The following POLR3C variants were observed in gnomAD, a reference collection of about 807,000 sequenced individuals.
POLR3C encodes DNA-directed RNA polymerase III subunit RPC3.
In POLR3C, 44 loss-of-function variants were observed where a neutral mutation model predicts 65.9. The observed-to-expected ratio is 0.67, with a 90% confidence interval of 0.52 to 0.86. The LOEUF (loss-of-function observed/expected upper bound fraction) is 0.86, where lower values mean the gene tolerates loss of function less well. POLR3C is among the 40% of genes least tolerant of loss of function. The probability of loss-of-function intolerance (pLI) is 0.00; values close to 1 mark genes in which losing one functional copy is unlikely to be tolerated. For synonymous variants in POLR3C, 263 were observed against 231.6 expected, an observed-to-expected ratio of 1.14 and a Z score of -1.23; for missense variants, 576 against 653.2, an observed-to-expected ratio of 0.88 and a Z score of 1.29.
intron 7 of POLR3C, among the ~76,000 whole-genome samples, chr1:145,834,483 A>G (rs1358764022): frequency 5.3e-5 from 8 of 151,494 alleles, no homozygotes; most frequent in Non-Finnish European, 1.2e-4. Context: ...CCTGGGCAAC[A>G]TGGTGAAACC....
chr1:145,825,032 C>CT lies in POLR3C; in HGVS notation c.-21+672dup, dbSNP rs202019471. Among the ~76,000 whole-genome samples the CT allele has an allele frequency of 5.7e-3, 868 of 150,966 alleles. 5 individuals are homozygous for CT. Among genetic ancestry groups the CT allele is most frequent in the Non-Finnish European group, 7.5e-3 (508 of 67,616 alleles). ...GTCTTTTCCTATGCATACATTTTTC[C>CT]TTTTTTTTTACAATAATTGAATTTT... On this transcript the variant is annotated intron_variant, in intron 1 of 14. Transcript: ENST00000334163.
rs949670898 is a variant in POLR3C, at chr1:145,842,588, T to C, written c.*168T>C. 1 of 645,570 alleles carries C rather than the reference T, an allele frequency of 1.5e-6. No homozygotes were observed. The highest frequency in any genetic ancestry group is 2.8e-6 in the Non-Finnish European group (1 of 358,930). The allele number at this position is 645,570 out of a possible 1,614,324, so 40.0% of individuals were successfully genotyped here. A position where few individuals can be genotyped will look rare whatever the true frequency, so the allele number is the denominator to read the frequency against. ...CCTGAAAGAATTTGGCATATTTAGA[T>C]CCATTGCTGTAGTCTCCCCTCATCA... On this transcript the variant is annotated 3_prime_UTR_variant, in exon 15 of 15. Transcript: ENST00000334163.
rs113264305 is a variant in POLR3C at position 145,840,860 on chromosome 1, A to G, written c.1374-62A>G. 2.2e-4 allele frequency: 294 copies of G among 1,318,250 alleles called. 4 individuals carry two copies. In the African/African-American group the frequency reaches 3.3e-3, roughly 15 times the overall value. 81.7% of individuals were successfully genotyped at this position (1,318,250 alleles called of 1,614,324 possible). ...AAGGGTGGTGGGTAGTGCCTCAGAC[A>G]CACGTGGTAAGAGAATCTCCCAGGT... On this transcript the variant is annotated intron_variant, in intron 13 of 14. Coordinates refer to ENST00000334163, the MANE Select transcript of POLR3C (RefSeq NM_006468.8).
At chr1:145,839,252 C>A (rs1214468137) in intron 11 of POLR3C, among the ~76,000 whole-genome samples, 1 of 152,158 alleles carries the variant, frequency 6.6e-6, no homozygotes, top group Non-Finnish European at 1.5e-5. Flanking sequence ...GCCTGGGCAA[C>A]AGAGCAAGAC....
At chr1:145,839,661 G>A in intron 11 of POLR3C, 1 of 430,196 alleles carries the variant, frequency 2.3e-6, no homozygotes, top group Non-Finnish European at 4.1e-6. Context: ...TGAGCCGGAG[G>A]TGGAAGTTGC....
chr1:145,827,083 A>T, intron 4 of POLR3C, 78 bp downstream of exon 4: 1 of 1,140,606 alleles, frequency 8.8e-7, no homozygotes, highest in Non-Finnish European at 1.3e-6. Flanking sequence ...ATGAAATGTG[A>T]TTGTATTTAC....
chr1:145,830,628 G>A (rs925319737), intron 5 of POLR3C, among the ~76,000 whole-genome samples: 8 of 151,500 alleles, frequency 5.3e-5, no homozygotes, highest in African/African-American at 1.9e-4. Context: ...GTGAAACCCC[G>A]TCTCTACTAA....
intron 4 of POLR3C, among the ~76,000 whole-genome samples, chr1:145,827,927 C>CG (rs1559142613): frequency 6.7e-6 from 1 of 148,760 alleles, no homozygotes; most frequent in Non-Finnish European, 1.5e-5. Flanking sequence ...GACTCTGTCT[C>CG]GGGAAAAAAA....
chr1:145,839,251 A>G (rs138496415), intron 11 of POLR3C, among the ~76,000 whole-genome samples: 130 of 152,314 alleles, frequency 8.5e-4, no homozygotes, highest in African/African-American at 2.9e-3. Context: ...AGCCTGGGCA[A>G]CAGAGCAAGA....
chr1:145,833,488 A>G lies in POLR3C; in HGVS notation c.784-2A>G. On this transcript the variant is annotated splice_acceptor_variant, in intron 6 of 14. Transcript: ENST00000334163. LOFTEE classifies it high-confidence loss of function. ...CTGAATTCTAGTTTACTTTTCAAAC[A>G]GACAAGCAGCGAGATTGTGCGAACC... 1 of 1,612,250 alleles carries G rather than the reference A, an allele frequency of 6.2e-7. No homozygotes were observed. Among genetic ancestry groups the G allele is most frequent in the Non-Finnish European group, 8.5e-7 (1 of 1,178,220 alleles).
In POLR3C at chr1:145,836,838, C is replaced by A. The variant is rs554555809; in HGVS notation, c.981C>A (p.Gly327=). 1.3e-6 allele frequency: 2 copies of A among 1,594,562 alleles called. No individual in the cohort carries two copies. Among genetic ancestry groups the A allele is most frequent in the Admixed American group, 1.7e-5 (1 of 59,382 alleles). ...DDPLEFVGKS[G]DSGGGMYVIN... is the part of the protein sequence containing the mutation. ...AGCTAGAGTTTGTTGGAAAGTCTGGCGACAGTGGTGGAGGAATGTATGTCA... is the reference window on the plus strand; with the variant it reads ...AGCTAGAGTTTGTTGGAAAGTCTGGAGACAGTGGTGGAGGAATGTATGTCA... The change falls in exon 9 of 15, where the codon GGC becomes GGA. Residue 327 remains glycine (G), a synonymous_variant. Coordinates refer to ENST00000334163, the MANE Select transcript of POLR3C (RefSeq NM_006468.8).
intron 7 of POLR3C, among the ~76,000 whole-genome samples, chr1:145,834,093 G>T (rs1651582490): frequency 6.6e-6 from 1 of 152,098 alleles, no homozygotes; most frequent in Non-Finnish European, 1.5e-5. Context: ...AGACTGAACG[G>T]GATAGCCTAT....
chr1:145,833,889 C>T (rs1651557942), intron 7 of POLR3C, among the ~76,000 whole-genome samples: 2 of 152,044 alleles, frequency 1.3e-5, no homozygotes, highest in African/African-American at 4.8e-5. Context: ...TATTTGACCC[C>T]CTGTACTTAA....
rs1651052551 is a variant in POLR3C, at chr1:145,828,837, G to A, written c.678G>A (p.Glu226=). 1 of 1,529,696 alleles carries A rather than the reference G, an allele frequency of 6.5e-7. No homozygotes were observed. The highest frequency in any genetic ancestry group is 9.1e-7 in the Non-Finnish European group (1 of 1,103,084). The allele number at this position is 1,529,696 out of a possible 1,614,324, so 94.8% of individuals were successfully genotyped here. Residue 226 remains glutamate (E), a splice_region_variant and synonymous_variant, in exon 5 of 15, where the codon GAG becomes GAA. Transcript: ENST00000334163. ...CAAAATATACTACAGATAACAAGGA[G>A]GTAATGGGGCTTCTTGATTAGAAGT... ...KRPKYTTDNK[E]PIPDDGIYWQ... is the part of the protein sequence containing the mutation.
At chr1:145,828,720 G>A (rs1651004961) in intron 4 of POLR3C, 29 bp from the exon 5 acceptor site, 1 of 1,406,214 alleles carries the variant, frequency 7.1e-7, no homozygotes, top group African/African-American at 1.4e-5. Flanking sequence ...ATGAGATATA[G>A]TCTAAGTGTT....
chr1:145,837,981 A>G, intron 10 of POLR3C, 75 bp from the exon 11 acceptor site: 1 of 1,357,898 alleles, frequency 7.4e-7, no homozygotes, highest in East Asian at 2.3e-5. Context: ...GGAATAGAAC[A>G]ACCACCCCAT....
At chr1:145,834,393 G>A (rs983148084) in intron 7 of POLR3C, among the ~76,000 whole-genome samples, 11 of 152,042 alleles carry the variant, frequency 7.2e-5, no homozygotes, top group South Asian at 2.1e-4. Flanking sequence ...CAGGCTGAGC[G>A]GGGTGGCTCA....
rs781955549 is a variant in POLR3C at position 145,826,949 on chromosome 1, C to G, written c.533C>G (p.Pro178Arg). Residue 178 changes from proline (P) to arginine (R), a missense_variant, in exon 4 of 15, where the codon CCC becomes CGC. Transcript: ENST00000334163. ...GACCCTGGGCCACCACCACCTGCCC[C>G]CACACTTGTCATTAATGAAAAGGAC... The part of the protein sequence containing the change: ...NSDPGPPPPA[P>R]TLVINEKDMY... The G allele has an allele frequency of 1.5e-5, 25 of 1,613,140 alleles. No individual in the cohort carries two copies. The South Asian group carries it at 2.8e-4, about 18-fold the overall frequency.
chr1:145,837,784 G>A (rs1482442664), intron 10 of POLR3C, among the ~76,000 whole-genome samples, 188 bp downstream of exon 10: 1 of 152,086 alleles, frequency 6.6e-6, no homozygotes, highest in East Asian at 1.9e-4. Context: ...AATTCCTACC[G>A]ATGCAAATTA....
Sources: gnomAD v4.1 joint callset for allele counts (sites outside exome capture counted in the v4.1 genomes callset) on GRCh38, gnomAD v4.1.1 for gene constraint, MANE v1.5 for transcripts, NCBI Gene and HGNC (gene_info 2026-07-23, HGNC 2026-07-21) for gene names.